The following MICAL1 variants were observed in gnomAD, a reference collection of about 807,000 sequenced individuals.
The protein encoded by MICAL1 is microtubule associated monooxygenase, calponin and LIM domain containing 1.
A neutral mutation model predicts 131.8 loss-of-function variants in MICAL1; 95 were observed. The observed-to-expected ratio is 0.72, with a 90% CI of 0.61 to 0.86. The LOEUF is 0.86. MICAL1 is among the 40% of genes least tolerant of loss of function. The pLI is 0.00. For missense variants in MICAL1, 1,292 were observed against 1,380.6 expected, an observed-to-expected ratio of 0.94 and a Z score of 1.02; for synonymous variants, 546 against 554.2, an observed-to-expected ratio of 0.99 and a Z score of 0.21.
At chr6:109,445,379 T>C (rs1307743133) in intron 21 of MICAL1, 37 bp downstream of exon 21, 3 of 1,613,550 alleles carry the variant, frequency 1.9e-6, no homozygotes, top group African/African-American at 2.7e-5. Context: ...CTCAGAACTT[T>C]GACCCCATCA....
At position 109,444,401 on chromosome 6, in the gene MICAL1, A is replaced by G. The variant is rs527722355; in HGVS notation, c.3056-62T>C. 10 of 1,603,704 alleles carry G rather than the reference A, an allele frequency of 6.2e-6. No homozygotes were observed. The African/African-American group carries it at 9.4e-5, about 15-fold the overall frequency. Reference sequence around the variant, plus strand: ...TGGGCAGGGAAGCAGGAGGGCCACAACCTAATCCCAGCCTATGTGATTTCT... The same window carrying G: ...TGGGCAGGGAAGCAGGAGGGCCACAGCCTAATCCCAGCCTATGTGATTTCT... On this transcript the variant is annotated intron_variant, in intron 24 of 24. Coordinates refer to ENST00000358807, the MANE Select transcript of MICAL1 (RefSeq NM_022765.4).
chr6:109,465,385 ACTTGT>A (rs1776008557), intron 1 of MICAL1: 1 of 484,068 alleles, frequency 2.1e-6, no homozygotes, highest in Admixed American at 3.8e-5. Flanking sequence ...TTTAGCCCTG[ACTTGT>A]CTTGTGGTAA....
intron 11 of MICAL1, 103 bp from the exon 12 acceptor site, chr6:109,448,982 C>A: frequency 6.7e-7 from 1 of 1,482,922 alleles, no homozygotes; most frequent in South Asian, 1.2e-5. Context: ...GAGGAGGAGT[C>A]AGGGACCCAC....
rs777013169 is a variant in MICAL1, at chr6:109,451,692, G to C, written c.841C>G (p.Leu281Val). 1 of 1,614,014 alleles carries C rather than the reference G, an allele frequency of 6.2e-7. No homozygotes were observed. The highest frequency in any genetic ancestry group is 1.1e-5 in the South Asian group (1 of 91,076). The part of the protein sequence containing the change: ...QSLLKATGID[L>V]ENIVYYKDDT... ...TCCTTGTAGTACACAATGTTCTCCA[G>C]ATCAATGCCTGGGGGTACAGGGCAG... Residue 281 changes from leucine (L) to valine (V), a missense_variant, in exon 7 of 25, where the codon CTG (leucine) becomes GTG (valine). By Grantham distance (32) the Leu-to-Val change is conservative (BLOSUM62 1). Transcript: ENST00000358807.
Position 109,447,856 on chromosome 6 carries a change from C to T in MICAL1, c.1944+19G>A. 6 of 1,612,890 alleles carry T rather than the reference C, an allele frequency of 3.7e-6. No homozygotes were observed. Among genetic ancestry groups the T allele is most frequent in the Non-Finnish European group, 5.1e-6 (6 of 1,179,282 alleles). On this transcript the variant is annotated intron_variant, in intron 14 of 24. Transcript: ENST00000358807. ...CCCACTCCTCCCTGCTCAGCTCCAG[C>T]CCTGCCTAAACTCTCCACCTTGGCC...
chr6:109,460,140 T>G (rs1228753026), upstream of MICAL1, among the ~76,000 whole-genome samples: 1 of 152,176 alleles, frequency 6.6e-6, no homozygotes, highest in Admixed American at 6.5e-5. Flanking sequence ...AAAATGTGTT[T>G]AAATTCCTAC....
upstream of MICAL1, chr6:109,455,992 C>T (rs1775735196): frequency 1.0e-6 from 1 of 985,962 alleles, no homozygotes. This position sits in a 1 kb window ranked among gnomAD's most constrained non-coding sequence, Gnocchi z 4.7. Flanking sequence ...CTTGGGCCCG[C>T]CCATGCCTGC....
At position 109,448,150 on chromosome 6, in the gene MICAL1, CA is replaced by C; in HGVS notation, c.1855+52del. 5.7e-6 allele frequency: 9 copies of C among 1,583,262 alleles called. No homozygotes were observed. The East Asian group carries it at 6.7e-5, about 12-fold the overall frequency. Reference sequence around the variant, plus strand: ...TCCCTCTGTCACACACACACACACACACACACACACCTCCCCATCCCAGTTA... The same window carrying C: ...TCCCTCTGTCACACACACACACACACCACACACACCTCCCCATCCCAGTTA... On this transcript the variant is annotated intron_variant, in intron 13 of 24. Transcript: ENST00000358807.
intron 20 of MICAL1, 83 bp from the exon 21 acceptor site, chr6:109,445,612 CCGTG>C: frequency 6.4e-7 from 1 of 1,563,132 alleles, no homozygotes; most frequent in Non-Finnish European, 8.8e-7. Flanking sequence ...AGAAAATAAC[CCGTG>C]CTGAAGTGGG....
In MICAL1 at chr6:109,453,816, C is replaced by A. The variant is rs144506328; in HGVS notation, c.288G>T (p.Gly96=). 4.2e-5 allele frequency: 67 copies of A among 1,613,538 alleles called. No homozygotes were observed. In the African/African-American group the frequency reaches 7.6e-4, roughly 18 times the overall value. ...KCLVVGAGPC[G]LRVAVELALL... ...GCGCCAGCTCCACAGCGACCCGCAG[C>A]CCGCAAGGTCCAGCACCCACCACCA... Residue 96 remains glycine (G), a synonymous_variant, in exon 3 of 25, where the codon GGG becomes GGT. Coordinates refer to ENST00000358807, the MANE Select transcript of MICAL1 (RefSeq NM_022765.4).
Position 109,448,345 on chromosome 6 carries a change from C to T in MICAL1, c.1713G>A (p.Trp571Ter). The change falls in exon 13 of 25, where the codon TGG (tryptophan) becomes TGA (stop). Residue 571 changes from tryptophan to a stop codon, truncating the protein, a stop_gained. Transcript: ENST00000358807. LOFTEE classifies it high-confidence loss of function. ...QGLGALEATA[W>*]ALKVAENELG... is the part of the protein sequence containing the mutation. Reference sequence around the variant, plus strand: ...GCTCATTCTCTGCCACCTTTAGTGCCCAAGCAGTTGCTTCCAGAGCTCCCA... The same window carrying T: ...GCTCATTCTCTGCCACCTTTAGTGCTCAAGCAGTTGCTTCCAGAGCTCCCA... 6.2e-7 allele frequency: 1 copy of T among 1,613,954 alleles called. No individual in the cohort carries two copies.
At chr6:109,446,944 C>A in intron 17 of MICAL1, 129 bp downstream of exon 17, 6 of 1,302,320 alleles carry the variant, frequency 4.6e-6, no homozygotes, top group Non-Finnish European at 6.4e-6. Flanking sequence ...ACAGAGAAGA[C>A]CCTGAGCTCA....
chr6:109,455,729 G>A lies in MICAL1; in HGVS notation c.-54C>T, dbSNP rs1480222456. ...CGCTGGACGACTTACCGGCGGCTCCGAAGCCGGGAGGGGCCGCTTCCTGTT... is the reference window on the plus strand; with the variant it reads ...CGCTGGACGACTTACCGGCGGCTCCAAAGCCGGGAGGGGCCGCTTCCTGTT... On this transcript the variant is annotated 5_prime_UTR_variant, in exon 1 of 25. Coordinates refer to ENST00000358807, the MANE Select transcript of MICAL1 (RefSeq NM_022765.4). The surrounding 1 kb of genome is among the most constrained non-coding windows in gnomAD (Gnocchi z 4.7). The A allele has an allele frequency of 4.1e-6, 4 of 982,786 alleles. No individual in the cohort carries two copies. The highest frequency in any genetic ancestry group is 3.5e-5 in the African/African-American group (2 of 56,434). The allele number at this position is 982,786 out of a possible 1,614,324, so 60.9% of individuals were successfully genotyped here.
chr6:109,446,615 T>C (rs1239470566), intron 18 of MICAL1, 81 bp downstream of exon 18: 1 of 1,477,564 alleles, frequency 6.8e-7, no homozygotes, highest in Non-Finnish European at 9.3e-7. Flanking sequence ...GACATTCAGT[T>C]ACCCCCAGCA....
At chr6:109,461,100 C>A (rs1427231646) in intron 1 of MICAL1, among the ~76,000 whole-genome samples, 1 of 149,926 alleles carries the variant, frequency 6.7e-6, no homozygotes, top group Non-Finnish European at 1.5e-5. Context: ...TCCTATCCCT[C>A]CCCCAGCCCC....
chr6:109,465,589 C>T (rs1346427228), intron 1 of MICAL1: 9 of 1,468,480 alleles, frequency 6.1e-6, no homozygotes, highest in South Asian at 2.5e-5. Context: ...AAAAACTACC[C>T]GAGTCTTTAT....
rs1775610513 is a variant in MICAL1 at position 109,453,186 on chromosome 6, T to C, written c.571+77A>G. 5 of 1,186,462 alleles carry C rather than the reference T, an allele frequency of 4.2e-6. No individual in the cohort carries two copies. The South Asian group carries it at 6.2e-5, about 15-fold the overall frequency. 73.5% of individuals were successfully genotyped at this position (1,186,462 alleles called of 1,614,324 possible). On this transcript the variant is annotated intron_variant, in intron 4 of 24. Coordinates refer to ENST00000358807, the MANE Select transcript of MICAL1 (RefSeq NM_022765.4). Reference sequence around the variant, plus strand: ...AAACAAAAACAGAAAAGGACACTCCTGGCCCATCCTTTTTCAGACACTGGC... The same window carrying C: ...AAACAAAAACAGAAAAGGACACTCCCGGCCCATCCTTTTTCAGACACTGGC...
chr6:109,460,727 GCAAAA>G (rs964056728), upstream of MICAL1, among the ~76,000 whole-genome samples: 2 of 152,014 alleles, frequency 1.3e-5, no homozygotes, highest in African/African-American at 4.8e-5. Context: ...ATTTACAAAA[GCAAAA>G]CAAAGAGTTT....
Position 109,447,975 on chromosome 6 carries a change from G to GC in MICAL1, c.1856-13dup. The GC allele has an allele frequency of 6.3e-7, 1 of 1,597,180 alleles. No homozygotes were observed. ...CTGGCTGACAGGGCCTGCGGGGAGA[G>GC]CCAGGGCATCAGTGTGGATGGGGGG... On this transcript the variant is annotated splice_polypyrimidine_tract_variant and intron_variant, in intron 13 of 24. Coordinates refer to ENST00000358807, the MANE Select transcript of MICAL1 (RefSeq NM_022765.4).
Sources: gnomAD v4.1 joint callset for allele counts (sites outside exome capture counted in the v4.1 genomes callset) on GRCh38, gnomAD v4.1.1 for gene constraint, Gnocchi (gnomAD v3.1) non-coding constraint, MANE v1.5 for transcripts, NCBI Gene and HGNC (gene_info 2026-07-23, HGNC 2026-07-21) for gene names.